The following PEBP4 variants were observed in gnomAD, a reference collection of about 807,000 sequenced individuals.
PEBP4 encodes phosphatidylethanolamine binding protein 4, also known as phosphatidylethanolamine-binding protein 4.
A neutral mutation model predicts 23.9 loss-of-function variants in PEBP4; 22 were observed. The ratio of observed to expected loss-of-function variants is 0.92; its 90% CI spans 0.66 to 1.31. The LOEUF (loss-of-function observed/expected upper bound fraction) is 1.31, where lower values mean the gene tolerates loss of function less well. Ranked by LOEUF, PEBP4 falls within the 40% of genes most tolerant of loss-of-function variation. PEBP4 has a pLI of 0.00. For synonymous variants in PEBP4, 112 were observed against 99.3 expected, an observed-to-expected ratio of 1.13 and a Z score of -0.76; for missense variants, 324 against 281.7, an observed-to-expected ratio of 1.15 and a Z score of -1.07.
chr8:22,826,950 G>A (rs1291444664), intron 3 of PEBP4, among the ~76,000 whole-genome samples: 2 of 152,124 alleles, frequency 1.3e-5, no homozygotes, highest in African/African-American at 4.8e-5. Context: ...TCATTATCCT[G>A]GAGACATCAG....
intron 3 of PEBP4, among the ~76,000 whole-genome samples, chr8:22,842,754 G>A (rs1170283258): frequency 6.6e-6 from 1 of 152,072 alleles, no homozygotes; most frequent in Non-Finnish European, 1.5e-5. Flanking sequence ...CACTTAGAAG[G>A]GCAGCTGCTT....
intron 3 of PEBP4, among the ~76,000 whole-genome samples, chr8:22,858,371 A>G (rs889969469): frequency 2.0e-5 from 3 of 152,248 alleles, no homozygotes; most frequent in Non-Finnish European, 4.4e-5. Context: ...CATCAATCTC[A>G]GAATGAGAAT....
chr8:22,747,998 G>A (rs938328633), intron 4 of PEBP4, among the ~76,000 whole-genome samples: 1 of 152,224 alleles, frequency 6.6e-6, no homozygotes, highest in Non-Finnish European at 1.5e-5. Context: ...AGGAAAGGCT[G>A]GCCCTTGCCT....
At chr8:22,913,218 C>G (rs978985601) in intron 3 of PEBP4, among the ~76,000 whole-genome samples, 2 of 152,158 alleles carry the variant, frequency 1.3e-5, no homozygotes, top group African/African-American at 4.8e-5. Context: ...TGGCCCCTTA[C>G]CCTGTCCTGA....
intron 4 of PEBP4, among the ~76,000 whole-genome samples, chr8:22,738,061 T>C (rs1392820546): frequency 6.6e-6 from 1 of 152,190 alleles, no homozygotes; most frequent in Non-Finnish European, 1.5e-5. Context: ...GGCTGATGGC[T>C]GCGCCGTGGG....
chr8:22,873,569 C>G (rs1003890834), intron 3 of PEBP4, among the ~76,000 whole-genome samples: 1 of 152,116 alleles, frequency 6.6e-6, no homozygotes, highest in Admixed American at 6.5e-5. Context: ...GTGTTCAAGG[C>G]TGCAGTGAGC....
chr8:22,817,727 G>A lies in PEBP4; in HGVS notation c.267C>T (p.Thr89=). Residue 89 remains threonine (T), a synonymous_variant, in exon 4 of 7, where the codon ACC becomes ACT. Coordinates refer to ENST00000256404, the MANE Select transcript of PEBP4 (RefSeq NM_144962.3). ...VKFPGAVDGA[T]YILVMVDPDA... is the part of the protein sequence containing the mutation. ...CTGGATCCACCATCACCAGGATATA[G>A]GTTGCGCCCTGTAACACATGTACCG... is the stretch of plus-strand genomic sequence containing the variant. 6.2e-7 allele frequency: 1 copy of A among 1,614,106 alleles called. No individual in the cohort carries two copies.
intron 3 of PEBP4, among the ~76,000 whole-genome samples, chr8:22,901,894 A>T (rs957008898): frequency 6.6e-6 from 1 of 152,210 alleles, no homozygotes; most frequent in Admixed American, 6.5e-5. Flanking sequence ...AAAGACTGCC[A>T]TTACAAATGA....
At chr8:22,839,191 T>C (rs1191898083) in intron 3 of PEBP4, among the ~76,000 whole-genome samples, 7 of 151,996 alleles carry the variant, frequency 4.6e-5, no homozygotes, top group Admixed American at 2.0e-4. Context: ...CCCAGATAGA[T>C]GGGGGTGAGA....
At chr8:22,797,099 T>C (rs910701378) in intron 4 of PEBP4, among the ~76,000 whole-genome samples, 17 of 150,234 alleles carry the variant, frequency 1.1e-4, no homozygotes, top group African/African-American at 4.2e-4. Flanking sequence ...CTACTAAAAA[T>C]GAAAATCAGC....
At chr8:22,788,133 T>G (rs1806064657) in intron 4 of PEBP4, among the ~76,000 whole-genome samples, 2 of 149,286 alleles carry the variant, frequency 1.3e-5, no homozygotes, top group South Asian at 2.2e-4. Context: ...GGAAGCCAGG[T>G]AGAGGGAGGG....
intron 4 of PEBP4, among the ~76,000 whole-genome samples, chr8:22,794,296 ATT>A (rs10709441): frequency 2.8e-4 from 42 of 148,978 alleles, no homozygotes; most frequent in East Asian, 3.9e-4. Flanking sequence ...GGTACGCACA[ATT>A]TTTTTTTTTT....
chr8:22,912,773 G>A (rs899061366), intron 3 of PEBP4, among the ~76,000 whole-genome samples: 5 of 152,210 alleles, frequency 3.3e-5, no homozygotes, highest in African/African-American at 1.2e-4. Flanking sequence ...AGCCCCGGAT[G>A]ACCTGGCTGG....
intron 3 of PEBP4, among the ~76,000 whole-genome samples, chr8:22,900,751 T>C (rs1178040232): frequency 6.6e-6 from 1 of 152,164 alleles, no homozygotes; most frequent in East Asian, 1.9e-4. Context: ...AGAACTCAGA[T>C]CTGTCTATCC....
At chr8:22,806,748 T>C (rs1286763417) in intron 4 of PEBP4, among the ~76,000 whole-genome samples, 1 of 152,110 alleles carries the variant, frequency 6.6e-6, no homozygotes, top group Non-Finnish European at 1.5e-5. Context: ...TGTTAACAAG[T>C]CACAAACTCC....
intron 3 of PEBP4, among the ~76,000 whole-genome samples, chr8:22,853,889 G>A (rs1393743892): frequency 1.3e-5 from 2 of 152,150 alleles, no homozygotes; most frequent in African/African-American, 4.8e-5. Context: ...TCTTGGTTGG[G>A]ACAACAATTA....
At chr8:22,912,649 G>C (rs928937710) in intron 3 of PEBP4, among the ~76,000 whole-genome samples, 2 of 152,218 alleles carry the variant, frequency 1.3e-5, no homozygotes, top group African/African-American at 4.8e-5. Flanking sequence ...AGGAGGATCT[G>C]TCCTGTGAAG....
chr8:22,724,870 G>A lies in PEBP4; in HGVS notation c.490C>T (p.Leu164Phe). The change falls in exon 6 of 7, where the codon CTC becomes TTC. Residue 164 changes from leucine to phenylalanine, a missense_variant. Coordinates refer to ENST00000256404, the MANE Select transcript of PEBP4 (RefSeq NM_144962.3). ...VYLQEGKVIS[L>F]LPKENKTRGS... ...CGAGTTTTGTTTTCCTTGGGAAGGA[G>A]AGAGATGACTTTTCCTTCCTGAAGA... 1 of 1,613,982 alleles carries A rather than the reference G, an allele frequency of 6.2e-7. No homozygotes were observed. Among genetic ancestry groups the A allele is most frequent in the Non-Finnish European group, 8.5e-7 (1 of 1,179,842 alleles).
chr8:22,825,253 C>T (rs1442078973), intron 3 of PEBP4, among the ~76,000 whole-genome samples: 3 of 152,216 alleles, frequency 2.0e-5, no homozygotes, highest in Admixed American at 6.5e-5. Context: ...AAGTTGGGCC[C>T]ACCCACTTCT....
Sources: allele counts gnomAD v4.1 joint callset (sites outside exome capture counted in the v4.1 genomes callset), GRCh38; gene constraint gnomAD v4.1.1; transcripts MANE v1.5; gene names NCBI Gene and HGNC (gene_info 2026-07-23, HGNC 2026-07-21).